MGAM2: variants seen among roughly 807,000 people sequenced by gnomAD.
MGAM2 encodes maltase-glucoamylase 2 (putative).
MGAM2 carries 98 observed loss-of-function variants against 96.1 expected under a neutral mutation model. The observed-to-expected ratio is 1.02, with a 90% confidence interval of 0.87 to 1.21. The LOEUF is 1.21. Among genes scored for constraint, MGAM2 ranks in the 50% most tolerant of loss-of-function variants. The pLI, the probability that MGAM2 is intolerant of heterozygous loss-of-function variation, is 0.00. For synonymous variants in MGAM2, 749 were observed against 414.8 expected (o/e 1.81, Z -9.79); for missense variants, 2,055 against 1,182.4 (o/e 1.74, Z -10.82).
intron 45 of MGAM2, among the ~76,000 whole-genome samples, chr7:142,204,694 T>C (rs938231169): frequency 2.6e-5 from 4 of 152,222 alleles, no homozygotes; most frequent in African/African-American, 7.2e-5. Context: ...GTTATTAATA[T>C]GTAAAGTAAA....
intron 36 of MGAM2, among the ~76,000 whole-genome samples, chr7:142,188,606 A>G (rs1259908345): frequency 6.6e-6 from 1 of 152,164 alleles, no homozygotes; most frequent in Non-Finnish European, 1.5e-5. Context: ...TTTCTCCTTC[A>G]TTAATTTAAT....
chr7:142,194,696 A>ATG (rs72262078), intron 37 of MGAM2, among the ~76,000 whole-genome samples: 191 of 138,450 alleles, frequency 1.4e-3, no homozygotes, highest in East Asian at 7.1e-3. Context: ...ACATGTGTGT[A>ATG]TGTGTGTGTG....
intron 32 of MGAM2, among the ~76,000 whole-genome samples, chr7:142,176,176 C>T (rs189098760): frequency 7.9e-5 from 12 of 151,482 alleles, no homozygotes; most frequent in African/African-American, 1.9e-4. Context: ...CTCATCTTTA[C>T]GTCAGGAGGT....
intron 36 of MGAM2, among the ~76,000 whole-genome samples, chr7:142,188,313 G>C (rs773856299): frequency 6.6e-6 from 1 of 152,080 alleles, no homozygotes; most frequent in Admixed American, 6.6e-5. Context: ...GAATCTTCTC[G>C]TGTTGCAGAG....
intron 35 of MGAM2, 23 bp downstream of exon 35, chr7:142,186,146 T>G (rs1266902802): frequency 3.7e-6 from 1 of 266,850 alleles, no homozygotes; most frequent in South Asian, 6.0e-5. Context: ...TTGGTTGTCT[T>G]TTTTTTTTTT....
At position 142,122,434 on chromosome 7, in the gene MGAM2, C is replaced by A. The variant is rs59390490; in HGVS notation, c.186+2053C>A. Among the ~76,000 whole-genome samples, 1,165 of 152,334 alleles carry A rather than the reference C, an allele frequency of 7.6e-3. 16 individuals carry two copies. Among genetic ancestry groups the A allele is most frequent in the African/African-American group, 0.026 (1,098 of 41,582 alleles). The stretch of plus-strand genomic sequence containing the variant: ...TGTTGAATTATGGCAAATGACTACA[C>A]ATGTGTAAGCCAAACCATTCTATAC... On this transcript the variant is annotated intron_variant, in intron 3 of 47. Transcript: ENST00000477922.
intron 19 of MGAM2, among the ~76,000 whole-genome samples, chr7:142,158,961 C>A (rs1795814679): frequency 6.6e-6 from 1 of 152,154 alleles, no homozygotes. Flanking sequence ...GCTAACCAAC[C>A]AGTGGCCCTG....
At chr7:142,151,741 T>C (rs1398625451) in intron 15 of MGAM2, among the ~76,000 whole-genome samples, 1 of 152,206 alleles carries the variant, frequency 6.6e-6, no homozygotes, top group Non-Finnish European at 1.5e-5. Context: ...ATTCTAATAG[T>C]TATGGTTAAT....
At position 142,160,268 on chromosome 7, in the gene MGAM2, T is replaced by G. The variant is rs1410981470; in HGVS notation, c.2345+10T>G. On this transcript the variant is annotated intron_variant, in intron 21 of 47. Transcript: ENST00000477922. ...CAACCACAGAAGCCAGGTAAGCTCCTTACTCTTCTAAGGTATGACTATTCT... is the reference window on the plus strand; with the variant it reads ...CAACCACAGAAGCCAGGTAAGCTCCGTACTCTTCTAAGGTATGACTATTCT... The G allele has an allele frequency of 1.4e-6, 1 of 694,248 alleles. No homozygotes were observed. Among genetic ancestry groups the G allele is most frequent in the Non-Finnish European group, 2.6e-6 (1 of 381,158 alleles). The allele number at this position is 694,248 out of a possible 1,614,324, so 43.0% of individuals were successfully genotyped here.
At chr7:142,146,751 G>A (rs1795397645) in intron 14 of MGAM2, among the ~76,000 whole-genome samples, 2 of 147,854 alleles carry the variant, frequency 1.4e-5, no homozygotes, top group Non-Finnish European at 3.0e-5. Flanking sequence ...TTTTTGAGAT[G>A]TAGTCTCGCT....
chr7:142,165,616 A>G lies in MGAM2; in HGVS notation c.2653-482A>G, dbSNP rs181378571. Among the ~76,000 whole-genome samples the G allele has an allele frequency of 2.6e-5, 4 of 152,268 alleles. No homozygotes were observed. The East Asian group carries it at 5.8e-4, about 22-fold the overall frequency. On this transcript the variant is annotated intron_variant, in intron 24 of 47. Transcript: ENST00000477922. ...TAGAGTTAGGCAGAATGGGGCTCCAATCTCAGCTCTTAGGGTATTAGGTGT... is the reference window on the plus strand; with the variant it reads ...TAGAGTTAGGCAGAATGGGGCTCCAGTCTCAGCTCTTAGGGTATTAGGTGT...
intron 33 of MGAM2, among the ~76,000 whole-genome samples, chr7:142,183,908 A>G (rs1796613918): frequency 7.8e-6 from 1 of 128,946 alleles, no homozygotes; most frequent in African/African-American, 2.9e-5. Flanking sequence ...TTCCTTAATT[A>G]TACTATGCTA....
chr7:142,161,052 G>A (rs1451597816), intron 21 of MGAM2, 73 bp from the exon 22 acceptor site: 13 of 684,298 alleles, frequency 1.9e-5, no homozygotes, highest in Non-Finnish European at 3.5e-5. Flanking sequence ...TGTCCCTGGG[G>A]GATGAAGGTG....
intron 3 of MGAM2, among the ~76,000 whole-genome samples, chr7:142,127,404 G>A (rs1585144292): frequency 6.6e-6 from 1 of 151,648 alleles, no homozygotes; most frequent in Admixed American, 6.6e-5. Flanking sequence ...GATTTTTAAA[G>A]TTTTTTTCAT....
chr7:142,218,490 C>A lies in MGAM2; in HGVS notation c.5317C>A (p.Gln1773Lys), dbSNP rs1464483944. ...AGTCAGTTTCACCTATGACAACCGGCAATTTATGGAGACAAATTTCAAGAG... is the reference window on the plus strand; with the variant it reads ...AGTCAGTTTCACCTATGACAACCGGAAATTTATGGAGACAAATTTCAAGAG... ...TQVSFTYDNR[Q>K]FMETNFKSEP... The change falls in exon 47 of 48, where the codon CAA becomes AAA. Residue 1773 changes from glutamine to lysine, a missense_variant. Coordinates refer to ENST00000477922, the MANE Select transcript of MGAM2 (RefSeq NM_001293626.2). 1.4e-6 allele frequency: 1 copy of A among 700,298 alleles called. No individual in the cohort carries two copies. The highest frequency in any genetic ancestry group is 1.8e-5 in the African/African-American group (1 of 57,118). The allele number at this position is 700,298 out of a possible 1,614,324, so 43.4% of individuals were successfully genotyped here.
intron 15 of MGAM2, among the ~76,000 whole-genome samples, chr7:142,150,312 A>G (rs1795535728): frequency 6.6e-6 from 1 of 152,216 alleles, no homozygotes; most frequent in Non-Finnish European, 1.5e-5. Flanking sequence ...AGTGAGAAGC[A>G]TGAAGCCATC....
At chr7:142,170,888 C>T (rs1192821160) in intron 27 of MGAM2, among the ~76,000 whole-genome samples, 5 of 152,198 alleles carry the variant, frequency 3.3e-5, no homozygotes, top group Non-Finnish European at 5.9e-5. Context: ...CTTTGGCCAA[C>T]TCAAGAGAAG....
chr7:142,214,092 T>G (rs1381130095), intron 46 of MGAM2, among the ~76,000 whole-genome samples: 1 of 152,134 alleles, frequency 6.6e-6, no homozygotes, highest in Non-Finnish European at 1.5e-5. Context: ...AAAAGGCCTT[T>G]GATAAAATTC....
intron 18 of MGAM2, 27 bp from the exon 19 acceptor site, chr7:142,158,220 TG>T: frequency 1.4e-6 from 1 of 702,944 alleles, no homozygotes. Flanking sequence ...AGACTTCACC[TG>T]CCTTCACTGT....
Sources: allele counts gnomAD v4.1 joint callset (sites outside exome capture counted in the v4.1 genomes callset), GRCh38; gene constraint gnomAD v4.1.1; transcripts MANE v1.5; gene names NCBI Gene and HGNC (gene_info 2026-07-23, HGNC 2026-07-21).